Variants in CNTN5 observed in about 807,000 individuals in gnomAD.
The protein encoded by CNTN5 is contactin 5.
Under a neutral mutation model 129.1 loss-of-function variants are expected in CNTN5, and 77 were observed. The observed-to-expected ratio is 0.60, with a 90% confidence interval of 0.50 to 0.72. CNTN5 has a LOEUF of 0.72. Ranked by LOEUF, CNTN5 falls within the 30% of genes least tolerant of loss-of-function variation. The pLI is 0.00. For synonymous variants in CNTN5, 509 were observed against 465.6 expected, an observed-to-expected ratio of 1.09 and a Z score of -1.20; for missense variants, 1,478 against 1,328.8, an observed-to-expected ratio of 1.11 and a Z score of -1.75.
intron 8 of CNTN5, among the ~76,000 whole-genome samples, chr11:99,990,575 C>T (rs1329400363): frequency 1.3e-5 from 2 of 151,812 alleles, no homozygotes; most frequent in South Asian, 2.1e-4. Context: ...CATAATGGTG[C>T]ATTTATTTGT....
intron 1 of CNTN5, among the ~76,000 whole-genome samples, chr11:99,153,247 G>C (rs147683055): frequency 3.3e-5 from 5 of 152,030 alleles, no homozygotes; most frequent in African/African-American, 9.6e-5. Context: ...TTTCCAAGTT[G>C]GTTGCTTTCT....
chr11:99,347,969 G>A (rs1264264806), intron 2 of CNTN5, among the ~76,000 whole-genome samples: 5 of 152,140 alleles, frequency 3.3e-5, no homozygotes, highest in Non-Finnish European at 7.3e-5. Context: ...AAATGCATTT[G>A]AACAGCTGAA....
intron 6 of CNTN5, among the ~76,000 whole-genome samples, chr11:99,909,007 A>T (rs1027442599): frequency 2.0e-5 from 3 of 152,084 alleles, no homozygotes; most frequent in Admixed American, 1.3e-4. Flanking sequence ...TGAAAGTTTC[A>T]TTACAATTTG....
At chr11:99,192,323 T>C (rs1253898584) in intron 1 of CNTN5, among the ~76,000 whole-genome samples, 1 of 151,832 alleles carries the variant, frequency 6.6e-6, no homozygotes, top group Non-Finnish European at 1.5e-5. Flanking sequence ...CAAGACTTAA[T>C]CACATTGAAA....
intron 1 of CNTN5, among the ~76,000 whole-genome samples, chr11:99,238,011 T>G (rs566375550): frequency 6.6e-6 from 1 of 152,298 alleles, no homozygotes; most frequent in African/African-American, 2.4e-5. Flanking sequence ...TAAAATAATC[T>G]AACAAAGCTG....
intron 3 of CNTN5, among the ~76,000 whole-genome samples, chr11:99,792,160 C>G (rs749099301): frequency 2.6e-5 from 4 of 152,044 alleles, no homozygotes; most frequent in Non-Finnish European, 5.9e-5. Context: ...TGAAAATGGT[C>G]ACTCTTTCCT....
chr11:99,543,305 T>C (rs1272630217), intron 2 of CNTN5, among the ~76,000 whole-genome samples: 1 of 152,184 alleles, frequency 6.6e-6, no homozygotes, highest in African/African-American at 2.4e-5. Flanking sequence ...ATACAGCATC[T>C]TATATTTGGG....
chr11:100,223,856 A>C (rs1949317341), intron 15 of CNTN5, among the ~76,000 whole-genome samples: 1 of 152,206 alleles, frequency 6.6e-6, no homozygotes, highest in Non-Finnish European at 1.5e-5. Flanking sequence ...GATCACGATA[A>C]AGGAAATCCA....
intron 1 of CNTN5, among the ~76,000 whole-genome samples, chr11:99,317,262 G>A (rs1288058583): frequency 6.6e-6 from 1 of 152,098 alleles, no homozygotes; most frequent in East Asian, 1.9e-4. Context: ...AACCAATTCC[G>A]TGCTCTGTTA....
chr11:99,431,229 A>T (rs1225020233), intron 2 of CNTN5, among the ~76,000 whole-genome samples: 1 of 152,138 alleles, frequency 6.6e-6, no homozygotes, highest in Non-Finnish European at 1.5e-5. Flanking sequence ...GTCAGTCTTT[A>T]CTTTTAGTCA....
intron 2 of CNTN5, among the ~76,000 whole-genome samples, chr11:99,339,625 C>CA (rs974847726): frequency 2.0e-5 from 3 of 151,660 alleles, no homozygotes; most frequent in African/African-American, 4.8e-5. Flanking sequence ...TAAAAAAATA[C>CA]AAAAAAATTA....
intron 8 of CNTN5, among the ~76,000 whole-genome samples, chr11:99,968,593 C>A (rs747789489): frequency 6.1e-5 from 9 of 147,212 alleles, no homozygotes; most frequent in Non-Finnish European, 1.2e-4. Flanking sequence ...AGCAAAGCCA[C>A]TGTTATTTCC....
chr11:99,776,169 G>A (rs951751263), intron 3 of CNTN5, among the ~76,000 whole-genome samples: 13 of 93,324 alleles, frequency 1.4e-4, no homozygotes, highest in Admixed American at 1.0e-3. Flanking sequence ...GAAGAGGACC[G>A]TGACTTTATG....
chr11:99,900,079 C>T (rs1209282059), intron 6 of CNTN5, among the ~76,000 whole-genome samples: 1 of 151,662 alleles, frequency 6.6e-6, no homozygotes, highest in African/African-American at 2.4e-5. Context: ...ATTTCTGATT[C>T]TACTTATTTG....
chr11:99,827,006 A>G (rs995124371), intron 4 of CNTN5, among the ~76,000 whole-genome samples: 3 of 152,208 alleles, frequency 2.0e-5, no homozygotes, highest in South Asian at 4.1e-4. Flanking sequence ...ATCACCCTGT[A>G]TTCTACTAGA....
At chr11:100,347,370 G>A (rs1334803770) in intron 23 of CNTN5, among the ~76,000 whole-genome samples, 3 of 151,958 alleles carry the variant, frequency 2.0e-5, no homozygotes, top group Admixed American at 2.0e-4. Context: ...AGGAGACTCA[G>A]CCTTCTTTTC....
At chr11:99,024,047 A>C (rs1863003669) in intron 1 of CNTN5, among the ~76,000 whole-genome samples, 1 of 152,204 alleles carries the variant, frequency 6.6e-6, no homozygotes, top group African/African-American at 2.4e-5. Context: ...TCAAAGCGGT[A>C]GAATCACTGC....
intron 13 of CNTN5, among the ~76,000 whole-genome samples, chr11:100,087,811 C>A (rs544697419): frequency 1.8e-4 from 28 of 152,010 alleles, no homozygotes; most frequent in African/African-American, 6.7e-4. Flanking sequence ...ATTGACCACA[C>A]AATATACATT....
chr11:99,849,845 A>T (rs921560201), intron 6 of CNTN5, among the ~76,000 whole-genome samples: 4 of 152,140 alleles, frequency 2.6e-5, no homozygotes, highest in Non-Finnish European at 5.9e-5. Context: ...AATAGTACTC[A>T]ATCTTTCCCT....
Sources: gnomAD v4.1 joint callset for allele counts (sites outside exome capture counted in the v4.1 genomes callset) on GRCh38, gnomAD v4.1.1 for gene constraint, MANE v1.5 for transcripts, NCBI Gene and HGNC (gene_info 2026-07-23, HGNC 2026-07-21) for gene names.